The following RAB3GAP2 variants were observed in gnomAD, a reference collection of about 807,000 sequenced individuals.
RAB3GAP2 encodes the protein rab3 GTPase-activating protein non-catalytic subunit.
In RAB3GAP2, 87 loss-of-function variants were observed where a neutral mutation model predicts 185.3. The observed-to-expected ratio is 0.47, with a 90% CI of 0.39 to 0.56. The LOEUF is 0.56. Ranked by LOEUF, RAB3GAP2 falls within the 20% of genes least tolerant of loss-of-function variation. The pLI is 0.00. For missense variants in RAB3GAP2, 1,492 were observed against 1,638.2 expected, an observed-to-expected ratio of 0.91 and a Z score of 1.54; for synonymous variants, 554 against 576.1, an observed-to-expected ratio of 0.96 and a Z score of 0.55.
chr1:220,191,162 G>C lies in RAB3GAP2; in HGVS notation c.1393C>G (p.Leu465Val). Residue 465 changes from leucine (L) to valine (V), a missense_variant, in exon 14 of 35, where the codon CTT (leucine) becomes GTT (valine). Coordinates refer to ENST00000358951, the MANE Select transcript of RAB3GAP2 (RefSeq NM_012414.4). ...SQGPSRVAQFLVIYAPRRGIL... is the reference protein window; with the variant it reads ...SQGPSRVAQFVVIYAPRRGIL... ...CCCCTTCTTGGCGCATAGATCACAA[G>C]GAATTGAGCTACTCGACTTGGACCC... 2 of 1,614,034 alleles carry C rather than the reference G, an allele frequency of 1.2e-6. No individual in the cohort carries two copies. The highest frequency in any genetic ancestry group is 2.2e-5 in the South Asian group (2 of 91,086).
chr1:220,198,160 G>T (rs77116071), intron 9 of RAB3GAP2, among the ~76,000 whole-genome samples: 1 of 151,808 alleles, frequency 6.6e-6, no homozygotes, highest in African/African-American at 2.4e-5. Context: ...CCCTACACTC[G>T]TTTCCCCCTA....
intron 1 of RAB3GAP2, among the ~76,000 whole-genome samples, chr1:220,257,676 C>A (rs1660056456): frequency 2.6e-5 from 4 of 151,820 alleles, no homozygotes. Context: ...ACTAGAGAAC[C>A]AAGAGTAAAT....
chr1:220,175,278 G>A (rs1477051537), intron 21 of RAB3GAP2, among the ~76,000 whole-genome samples: 1 of 151,786 alleles, frequency 6.6e-6, no homozygotes, highest in African/African-American at 2.4e-5. Context: ...TTAGGTTGGA[G>A]TGCAGTGGCG....
chr1:220,177,950 T>A (rs1287045054), intron 21 of RAB3GAP2, among the ~76,000 whole-genome samples: 1 of 151,926 alleles, frequency 6.6e-6, no homozygotes, highest in Non-Finnish European at 1.5e-5. Context: ...TACAGGAAGG[T>A]CAAGGGTCAC....
chr1:220,204,560 G>A (rs972825135), intron 8 of RAB3GAP2, among the ~76,000 whole-genome samples: 7 of 152,026 alleles, frequency 4.6e-5, no homozygotes, highest in Non-Finnish European at 1.0e-4. Flanking sequence ...AAGAAAAGGG[G>A]AAGTTAGTGC....
At chr1:220,270,234 TCA>T (rs1464785950) in intron 1 of RAB3GAP2, among the ~76,000 whole-genome samples, 15 of 152,238 alleles carry the variant, frequency 9.9e-5, no homozygotes, top group Non-Finnish European at 2.2e-4. Flanking sequence ...TTACTCCTTC[TCA>T]GTCTTCTTCC....
At chr1:220,260,437 C>T (rs1227075905) in intron 1 of RAB3GAP2, among the ~76,000 whole-genome samples, 1 of 152,144 alleles carries the variant, frequency 6.6e-6, no homozygotes, top group Non-Finnish European at 1.5e-5. Flanking sequence ...AAGATTACGT[C>T]CTTTGCAGGG....
intron 2 of RAB3GAP2, among the ~76,000 whole-genome samples, chr1:220,227,909 ACC>A (rs1659430290): frequency 6.6e-6 from 1 of 151,974 alleles, no homozygotes; most frequent in Non-Finnish European, 1.5e-5. Flanking sequence ...GTGCCAACAC[ACC>A]TGGCCAATTT....
At chr1:220,216,766 T>A (rs766057924) in intron 2 of RAB3GAP2, among the ~76,000 whole-genome samples, 3 of 152,188 alleles carry the variant, frequency 2.0e-5, no homozygotes, top group Non-Finnish European at 4.4e-5. Context: ...TATTTGGGCA[T>A]GTTCTCAAAA....
chr1:220,246,068 C>CAA (rs1420809562), intron 1 of RAB3GAP2, among the ~76,000 whole-genome samples: 1 of 152,028 alleles, frequency 6.6e-6, no homozygotes, highest in Non-Finnish European at 1.5e-5. Context: ...TGAACTCAAA[C>CAA]AAATTTACAA....
chr1:220,188,302 A>G (rs10863534), intron 17 of RAB3GAP2, among the ~76,000 whole-genome samples: 32,934 of 152,116 alleles, frequency 0.22, 4,294 homozygotes, highest in African/African-American at 0.36. Context: ...AAAGTCGGGG[A>G]AGCTATGATT....
intron 9 of RAB3GAP2, among the ~76,000 whole-genome samples, chr1:220,197,484 G>T (rs1658751990): frequency 6.6e-6 from 1 of 152,016 alleles, no homozygotes; most frequent in African/African-American, 2.4e-5. Flanking sequence ...CAAATCCTTG[G>T]ACTATTTTTT....
At chr1:220,155,954 C>CT (rs548137265) in intron 31 of RAB3GAP2, among the ~76,000 whole-genome samples, 268 of 144,476 alleles carry the variant, frequency 1.9e-3, no homozygotes, top group East Asian at 2.2e-3. Flanking sequence ...AAAATCTATA[C>CT]TTTTTTTTTT....
chr1:220,182,472 T>A, intron 20 of RAB3GAP2, 118 bp from the exon 21 acceptor site: 6 of 1,442,058 alleles, frequency 4.2e-6, no homozygotes, highest in South Asian at 1.3e-5. Context: ...GAAGAGAAAT[T>A]AATTGTTCAA....
In RAB3GAP2 at chr1:220,177,640, G is replaced by A. The variant is rs553371574; in HGVS notation, c.2310+4617C>T. ...ATGAAAAAAATCAAATAGAAACCTC[G>A]GAGCTGAAAAATAAATAAAATTAAA... On this transcript the variant is annotated intron_variant, in intron 21 of 34. Coordinates refer to ENST00000358951, the MANE Select transcript of RAB3GAP2 (RefSeq NM_012414.4). 2.8e-4 allele frequency among the ~76,000 whole-genome samples: 43 copies of A among 152,026 alleles called. 1 individual carries two copies. In the South Asian group the frequency reaches 4.6e-3, roughly 16 times the overall value.
chr1:220,185,269 A>G (rs1041750998), intron 18 of RAB3GAP2, among the ~76,000 whole-genome samples: 1 of 152,178 alleles, frequency 6.6e-6, no homozygotes, highest in African/African-American at 2.4e-5. Context: ...ATATCAAAAA[A>G]TGACCAGAAA....
At chr1:220,229,587 G>C (rs1240444765) in intron 2 of RAB3GAP2, among the ~76,000 whole-genome samples, 1 of 152,158 alleles carries the variant, frequency 6.6e-6, no homozygotes, top group Non-Finnish European at 1.5e-5. Flanking sequence ...GGAAGAATTA[G>C]TAGATATCTT....
chr1:220,153,093 C>T, intron 33 of RAB3GAP2, 92 bp downstream of exon 33: 6 of 957,892 alleles, frequency 6.3e-6, no homozygotes, highest in Non-Finnish European at 1.0e-5. Context: ...AAAGGAAGAG[C>T]AAAAGGCTTC....
At chr1:220,202,809 G>A (rs904785281) in intron 8 of RAB3GAP2, among the ~76,000 whole-genome samples, 3 of 152,138 alleles carry the variant, frequency 2.0e-5, no homozygotes, top group Admixed American at 2.0e-4. Flanking sequence ...CAGGCGTGGT[G>A]GTACATGCCT....
Sources: gnomAD v4.1 joint callset for allele counts (sites outside exome capture counted in the v4.1 genomes callset) on GRCh38, gnomAD v4.1.1 for gene constraint, MANE v1.5 for transcripts, NCBI Gene and HGNC (gene_info 2026-07-23, HGNC 2026-07-21) for gene names.